VPS54: variants seen among roughly 807,000 people sequenced by gnomAD.
The protein encoded by VPS54 is VPS54 subunit of GARP complex, also known as vacuolar protein sorting-associated protein 54.
A neutral mutation model predicts 121.5 loss-of-function variants in VPS54; 45 were observed. That is an observed-to-expected ratio of 0.37 (90% CI 0.29 to 0.47). The LOEUF is 0.47. Among genes scored for constraint, VPS54 ranks in the 20% least tolerant of loss-of-function variants. VPS54 has a pLI of 0.99. For synonymous variants in VPS54, 371 were observed against 385.8 expected (o/e 0.96, Z 0.45); for missense variants, 1,090 against 1,131.4 (o/e 0.96, Z 0.52).
At chr2:63,911,456 C>A (rs76881244) in intron 20 of VPS54, among the ~76,000 whole-genome samples, 1 of 152,048 alleles carries the variant, frequency 6.6e-6, no homozygotes, top group South Asian at 2.1e-4. Flanking sequence ...AAGTAAAAGC[C>A]GCTTTCATAA....
At position 63,933,885 on chromosome 2, in the gene VPS54, A is replaced by C. The variant is rs781371932; in HGVS notation, c.1527T>G (p.Ala509=). 8.7e-6 allele frequency: 14 copies of C among 1,613,706 alleles called. No homozygotes were observed. Among genetic ancestry groups the C allele is most frequent in the Non-Finnish European group, 1.2e-5 (14 of 1,179,850 alleles). Reference sequence around the variant, plus strand: ...TAAACATGCCTTCATGGATTAAATAAGCCACCTCTGTGTCCAGTGAATTAT... The same window carrying C: ...TAAACATGCCTTCATGGATTAAATACGCCACCTCTGTGTCCAGTGAATTAT... ...AKDNSLDTEV[A]YLIHEGMFIS... Residue 509 remains alanine (A), a synonymous_variant, in exon 12 of 23, where the codon GCT becomes GCG. Coordinates refer to ENST00000272322, the MANE Select transcript of VPS54 (RefSeq NM_016516.3).
At chr2:63,963,777 G>A (rs1376550929) in intron 6 of VPS54, among the ~76,000 whole-genome samples, 2 of 152,090 alleles carry the variant, frequency 1.3e-5, no homozygotes, top group South Asian at 2.1e-4. Context: ...AGGGTAAATT[G>A]CAAGGTAACA....
intron 1 of VPS54, among the ~76,000 whole-genome samples, chr2:64,003,897 T>G (rs1309429675): frequency 6.6e-6 from 1 of 152,164 alleles, no homozygotes; most frequent in African/African-American, 2.4e-5. Flanking sequence ...TGCCCAGACT[T>G]CTGTTTCTAA....
chr2:63,931,703 T>A lies in VPS54; in HGVS notation c.1739+1970A>T, dbSNP rs1674212937. ...TTCTGCACAGCAAAAGAAACTATCA[T>A]CAGAGTGAACAGGCAACCTACAGAA... On this transcript the variant is annotated intron_variant, in intron 12 of 22. Coordinates refer to ENST00000272322, the MANE Select transcript of VPS54 (RefSeq NM_016516.3). Among the ~76,000 whole-genome samples the A allele has an allele frequency of 2.0e-5, 3 of 152,128 alleles. No individual in the cohort carries two copies. The South Asian group carries it at 6.2e-4, about 32-fold the overall frequency.
intron 11 of VPS54, among the ~76,000 whole-genome samples, chr2:63,939,399 T>C (rs1674614808): frequency 6.6e-6 from 1 of 151,958 alleles, no homozygotes. Flanking sequence ...AAAAAAAGCG[T>C]AATACTAAAG....
intron 7 of VPS54, among the ~76,000 whole-genome samples, chr2:63,958,339 G>A (rs375374397): frequency 2.0e-5 from 3 of 152,230 alleles, no homozygotes; most frequent in African/African-American, 7.2e-5. Context: ...GAAGACACAC[G>A]TAAGCATTAT....
At chr2:63,898,832 G>A (rs1272294003) in intron 21 of VPS54, among the ~76,000 whole-genome samples, 1 of 151,980 alleles carries the variant, frequency 6.6e-6, no homozygotes, top group Non-Finnish European at 1.5e-5. Flanking sequence ...AAACTTCAAA[G>A]TTCCAGGAGA....
chr2:63,944,689 A>T, intron 9 of VPS54, 34 bp from the exon 10 acceptor site: 1 of 1,536,000 alleles, frequency 6.5e-7, no homozygotes, highest in Non-Finnish European at 8.9e-7. Flanking sequence ...AAACAATTTG[A>T]TTAATTGTCT....
intron 1 of VPS54, among the ~76,000 whole-genome samples, chr2:64,006,871 G>A (rs1678182390): frequency 6.6e-6 from 1 of 152,060 alleles, no homozygotes; most frequent in South Asian, 2.1e-4. Flanking sequence ...CACCCGCCTT[G>A]GCCTCCCAAA....
rs1575970282 is a variant in VPS54 at position 63,968,812 on chromosome 2, G to A, written c.492+145C>T. ...GAAAAAAAGAAAAGTGAGAAAGAAAGAAGAAAAGTGATGCAACACAGCCCC... is the reference window on the plus strand; with the variant it reads ...GAAAAAAAGAAAAGTGAGAAAGAAAAAAGAAAAGTGATGCAACACAGCCCC... On this transcript the variant is annotated intron_variant, in intron 5 of 22. Coordinates refer to ENST00000272322, the MANE Select transcript of VPS54 (RefSeq NM_016516.3). 4.6e-6 allele frequency: 3 copies of A among 653,198 alleles called. No homozygotes were observed. The Admixed American group carries it at 9.7e-5, about 21-fold the overall frequency. 40.5% of individuals were successfully genotyped at this position (653,198 alleles called of 1,614,324 possible).
intron 1 of VPS54, among the ~76,000 whole-genome samples, chr2:64,013,583 T>A (rs532690889): frequency 6.8e-6 from 1 of 147,206 alleles, no homozygotes; most frequent in East Asian, 1.9e-4. Context: ...CATTTATATA[T>A]AAATATATAT....
chr2:63,910,043 A>C (rs1168747841), intron 20 of VPS54, among the ~76,000 whole-genome samples: 2 of 152,148 alleles, frequency 1.3e-5, no homozygotes, highest in Non-Finnish European at 2.9e-5. Context: ...TTAGCTTCTT[A>C]GAATCAACCC....
chr2:63,982,883 G>A (rs1575987791), intron 2 of VPS54, among the ~76,000 whole-genome samples: 1 of 152,176 alleles, frequency 6.6e-6, no homozygotes, highest in Admixed American at 6.5e-5. Flanking sequence ...GAATGCATGT[G>A]TCAGGTATCT....
intron 12 of VPS54, among the ~76,000 whole-genome samples, chr2:63,932,112 T>C (rs1038920928): frequency 2.6e-5 from 4 of 152,122 alleles, no homozygotes; most frequent in Admixed American, 2.6e-4. Flanking sequence ...TCTTCAAGGA[T>C]CTAGAACTAG....
intron 6 of VPS54, among the ~76,000 whole-genome samples, chr2:63,964,407 G>A (rs1675897022): frequency 6.6e-6 from 1 of 151,934 alleles, no homozygotes; most frequent in African/African-American, 2.4e-5. Flanking sequence ...TGCTATAAAG[G>A]AAATAATTTT....
chr2:63,956,444 C>T lies in VPS54; in HGVS notation c.1010+5614G>A, dbSNP rs527834701. On this transcript the variant is annotated intron_variant, in intron 7 of 22. Transcript: ENST00000272322. ...AACAAGCTAGCTGCAGTAATTTTTA[C>T]GCCAAAATCCATTAATATGGTAGTT... 8.5e-5 allele frequency among the ~76,000 whole-genome samples: 13 copies of T among 152,230 alleles called. No individual in the cohort carries two copies. The South Asian group carries it at 1.7e-3, about 19-fold the overall frequency.
chr2:63,970,149 T>C (rs1451881342), intron 4 of VPS54, among the ~76,000 whole-genome samples: 2 of 149,772 alleles, frequency 1.3e-5, no homozygotes, highest in Non-Finnish European at 3.0e-5. Flanking sequence ...TCCCTTGTAC[T>C]AGCTCTCTTA....
chr2:64,012,937 GA>G (rs1678496878), intron 1 of VPS54, among the ~76,000 whole-genome samples: 1 of 152,120 alleles, frequency 6.6e-6, no homozygotes, highest in South Asian at 2.1e-4. Context: ...TCAATGCCCT[GA>G]AAAAGTCAAA....
intron 7 of VPS54, among the ~76,000 whole-genome samples, chr2:63,953,934 T>G (rs1675376264): frequency 6.6e-6 from 1 of 152,222 alleles, no homozygotes; most frequent in African/African-American, 2.4e-5. Flanking sequence ...ACACAGATTG[T>G]CTCAGAACAA....
Sources: allele counts gnomAD v4.1 joint callset (sites outside exome capture counted in the v4.1 genomes callset), GRCh38; gene constraint gnomAD v4.1.1; transcripts MANE v1.5; gene names NCBI Gene and HGNC (gene_info 2026-07-23, HGNC 2026-07-21).